The following CHCHD3 variants were observed in gnomAD, a reference collection of about 807,000 sequenced individuals.
The protein encoded by CHCHD3 is coiled-coil-helix-coiled-coil-helix domain containing 3.
CHCHD3 carries 20 observed loss-of-function variants against 38.2 expected under a neutral mutation model. The observed-to-expected ratio is 0.52, with a 90% CI of 0.37 to 0.76. The LOEUF is 0.76. Among genes scored for constraint, CHCHD3 ranks in the 30% least tolerant of loss-of-function variants. The probability of loss-of-function intolerance (pLI) is 0.00; values close to 1 mark genes in which losing one functional copy is unlikely to be tolerated. For missense variants in CHCHD3, 245 were observed against 279.2 expected (o/e 0.88, Z 0.87); for synonymous variants, 82 against 100.0 (o/e 0.82, Z 1.07).
At chr7:133,078,973 G>T (rs910733594) in intron 1 of CHCHD3, among the ~76,000 whole-genome samples, 10 of 152,166 alleles carry the variant, frequency 6.6e-5, no homozygotes. Flanking sequence ...GACATACTGA[G>T]AATGCGGTTT....
chr7:133,002,778 T>C (rs116215579), intron 3 of CHCHD3, among the ~76,000 whole-genome samples: 1,733 of 152,320 alleles, frequency 0.011, 35 homozygotes, highest in African/African-American at 0.04. Flanking sequence ...TGCTCTTCCA[T>C]TTAATGTCAC....
chr7:132,950,139 A>G (rs1178287639), intron 4 of CHCHD3, among the ~76,000 whole-genome samples: 1 of 152,200 alleles, frequency 6.6e-6, no homozygotes, highest in Non-Finnish European at 1.5e-5. Flanking sequence ...ATTGATTTGC[A>G]TGTTTCAAAA....
At chr7:133,027,434 GAGGGAGGGA>G (rs1225296685) in intron 2 of CHCHD3, among the ~76,000 whole-genome samples, 130 of 59,384 alleles carry the variant, frequency 2.2e-3, no homozygotes, top group African/African-American at 7.4e-3. Flanking sequence ...GGAAGGAAGG[GAGGGAGGGA>G]GGGAGGGGGG....
chr7:132,886,939 C>T (rs754312300), intron 4 of CHCHD3: 1 of 1,260,860 alleles, frequency 7.9e-7, no homozygotes, highest in Non-Finnish European at 1.0e-6. Context: ...AGGTGAACTA[C>T]TTGCACATTT....
chr7:132,877,958 A>G (rs1240045839), intron 5 of CHCHD3, among the ~76,000 whole-genome samples: 1 of 152,208 alleles, frequency 6.6e-6, no homozygotes, highest in East Asian at 1.9e-4. Flanking sequence ...AAAATGAGTT[A>G]ACCACATCAC....
intron 3 of CHCHD3, among the ~76,000 whole-genome samples, chr7:133,000,190 G>C (rs1812529951): frequency 6.6e-6 from 1 of 152,126 alleles, no homozygotes; most frequent in Non-Finnish European, 1.5e-5. Context: ...CAGAGTCATT[G>C]AGAGTCAATT....
At chr7:132,794,253 C>T (rs936949682) in intron 7 of CHCHD3, among the ~76,000 whole-genome samples, 7 of 152,202 alleles carry the variant, frequency 4.6e-5, no homozygotes, top group Non-Finnish European at 1.0e-4. Context: ...CCTTCACAAA[C>T]TTACCCACTC....
intron 4 of CHCHD3, among the ~76,000 whole-genome samples, chr7:132,914,139 T>C (rs1810041094): frequency 6.7e-6 from 1 of 150,202 alleles, no homozygotes; most frequent in Non-Finnish European, 1.5e-5. Context: ...TGTGTGTGTG[T>C]GTGTGTGTGT....
intron 4 of CHCHD3, among the ~76,000 whole-genome samples, chr7:132,921,985 C>T (rs982791970): frequency 2.0e-5 from 3 of 152,226 alleles, no homozygotes; most frequent in Non-Finnish European, 4.4e-5. Context: ...CGGCTAGAAA[C>T]AGTCCATAAG....
At chr7:132,886,140 C>T (rs1562896668) in intron 4 of CHCHD3, among the ~76,000 whole-genome samples, 3 of 152,012 alleles carry the variant, frequency 2.0e-5, no homozygotes, top group Non-Finnish European at 4.4e-5. Context: ...GCCTAAATAA[C>T]ATTTTGTACA....
chr7:133,032,405 C>A (rs1449112738), intron 2 of CHCHD3, among the ~76,000 whole-genome samples: 1 of 152,086 alleles, frequency 6.6e-6, no homozygotes, highest in African/African-American at 2.4e-5. Context: ...AAATACTGTA[C>A]CAGAAGGCAG....
At chr7:132,950,502 T>C (rs1585667054) in intron 4 of CHCHD3, among the ~76,000 whole-genome samples, 1 of 152,160 alleles carries the variant, frequency 6.6e-6, no homozygotes, top group African/African-American at 2.4e-5. Context: ...TGTCATCTTA[T>C]AAGATGCAAA....
At chr7:133,080,908 A>T (rs1364856918) in intron 1 of CHCHD3, among the ~76,000 whole-genome samples, 1 of 127,052 alleles carries the variant, frequency 7.9e-6, no homozygotes, top group African/African-American at 3.8e-5. Flanking sequence ...AGAAAAAAAT[A>T]TATAAATTAT....
chr7:132,923,533 G>A (rs989581303), intron 4 of CHCHD3, among the ~76,000 whole-genome samples: 1 of 151,902 alleles, frequency 6.6e-6, no homozygotes, highest in African/African-American at 2.4e-5. Flanking sequence ...CGTTGAATAA[G>A]ATTTTTTCAA....
chr7:133,000,432 C>T (rs954534844), intron 3 of CHCHD3, among the ~76,000 whole-genome samples: 4 of 151,950 alleles, frequency 2.6e-5, no homozygotes, highest in African/African-American at 9.7e-5. Context: ...ATTAAGGTGA[C>T]TTTTATGATT....
intron 4 of CHCHD3, among the ~76,000 whole-genome samples, chr7:132,924,000 CTA>C (rs1267749859): frequency 3.3e-5 from 5 of 152,090 alleles, no homozygotes; most frequent in Non-Finnish European, 7.4e-5. Context: ...CAGTAATAAA[CTA>C]TGCAATTCAT....
chr7:132,926,326 A>G (rs1810376196), intron 4 of CHCHD3, among the ~76,000 whole-genome samples: 1 of 152,198 alleles, frequency 6.6e-6, no homozygotes, highest in Admixed American at 6.5e-5. Flanking sequence ...GGCAGTCTCA[A>G]TCACTGAGAA....
intron 7 of CHCHD3, among the ~76,000 whole-genome samples, chr7:132,793,768 C>T (rs774872241): frequency 2.6e-5 from 4 of 152,194 alleles, no homozygotes; most frequent in Admixed American, 6.5e-5. Flanking sequence ...ACAACACTGC[C>T]TAATGGCTTG....
intron 6 of CHCHD3, among the ~76,000 whole-genome samples, chr7:132,800,105 T>C (rs1806750095): frequency 6.6e-6 from 1 of 152,202 alleles, no homozygotes. Flanking sequence ...TCTAAAAAAA[T>C]ATATATCCAA....
Sources: gnomAD v4.1 joint callset for allele counts (sites outside exome capture counted in the v4.1 genomes callset) on GRCh38, gnomAD v4.1.1 for gene constraint, MANE v1.5 for transcripts, NCBI Gene and HGNC (gene_info 2026-07-23, HGNC 2026-07-21) for gene names.